Variants in WLS observed in about 807,000 individuals in gnomAD.
WLS encodes the protein protein wntless homolog.
In WLS, 23 loss-of-function variants were observed where a neutral mutation model predicts 62.8. The observed-to-expected ratio is 0.37, with a 90% CI of 0.26 to 0.52. The LOEUF (loss-of-function observed/expected upper bound fraction) is 0.52. Ranked by LOEUF, WLS falls within the 20% of genes least tolerant of loss-of-function variation. WLS has a pLI of 0.92. For missense variants in WLS, 615 were observed against 697.3 expected, an observed-to-expected ratio of 0.88 and a Z score of 1.33; for synonymous variants, 246 against 244.1, an observed-to-expected ratio of 1.01 and a Z score of -0.07.
At chr1:68,144,498 T>C (rs1340397294) in intron 10 of WLS, 71 bp downstream of exon 10, 5 of 1,450,406 alleles carry the variant, frequency 3.4e-6, no homozygotes, top group Non-Finnish European at 2.8e-6. Context: ...AGTGGCTCTA[T>C]TGAATTTCTG....
At chr1:68,207,498 T>C (rs1649328851) in intron 1 of WLS, among the ~76,000 whole-genome samples, 1 of 152,244 alleles carries the variant, frequency 6.6e-6, no homozygotes, top group Admixed American at 6.5e-5. Context: ...GCTGGGTTCC[T>C]AATATATTTC....
intron 2 of WLS, among the ~76,000 whole-genome samples, chr1:68,168,890 C>A (rs1647102978): frequency 2.0e-5 from 3 of 152,334 alleles, no homozygotes; most frequent in East Asian, 3.9e-4. Flanking sequence ...AATAACAAAA[C>A]CAACCCTGTC....
intron 10 of WLS, among the ~76,000 whole-genome samples, chr1:68,142,346 A>G (rs1310478398): frequency 6.6e-6 from 1 of 152,212 alleles, no homozygotes; most frequent in Non-Finnish European, 1.5e-5. Flanking sequence ...ATTGCCTTTT[A>G]TGCCTCAACC....
At chr1:68,125,045 C>T (rs903072878), downstream of WLS, among the ~76,000 whole-genome samples, 2 of 152,160 alleles carry the variant, frequency 1.3e-5, no homozygotes, top group Admixed American at 6.5e-5. Context: ...TTCCTTCTCT[C>T]GGCTATCTCC....
At chr1:68,136,657 T>A (rs1646615539) in intron 11 of WLS, among the ~76,000 whole-genome samples, 1 of 152,214 alleles carries the variant, frequency 6.6e-6, no homozygotes, top group South Asian at 2.1e-4. Context: ...CAACATTTCA[T>A]GGAGACAATA....
chr1:68,104,693 T>G (rs972804392), intron 11 of WLS, among the ~76,000 whole-genome samples: 1 of 152,184 alleles, frequency 6.6e-6, no homozygotes, highest in Non-Finnish European at 1.5e-5. Context: ...AAGGATCTCT[T>G]GAGCCCAGGA....
chr1:68,135,693 A>G (rs533322504), intron 11 of WLS, among the ~76,000 whole-genome samples: 1 of 152,154 alleles, frequency 6.6e-6, no homozygotes, highest in East Asian at 1.9e-4. Flanking sequence ...GAAGGTAGAA[A>G]CTCTACCTAC....
chr1:68,105,208 A>G (rs1278478344), intron 11 of WLS, among the ~76,000 whole-genome samples: 2 of 152,244 alleles, frequency 1.3e-5, no homozygotes, highest in African/African-American at 2.4e-5. Context: ...TTGAAGCAGC[A>G]TAAGTAGTTT....
chr1:68,175,647 G>A (rs893765327), intron 2 of WLS, among the ~76,000 whole-genome samples: 10 of 152,178 alleles, frequency 6.6e-5, no homozygotes, highest in African/African-American at 2.4e-4. Flanking sequence ...CCAAAACAAA[G>A]AGCTATAAAA....
intron 1 of WLS, among the ~76,000 whole-genome samples, chr1:68,225,718 A>G (rs1650114839): frequency 6.6e-6 from 1 of 152,192 alleles, no homozygotes; most frequent in South Asian, 2.1e-4. Flanking sequence ...AAGAATTTTC[A>G]GCTTTCAGTA....
At chr1:68,109,687 GAA>G (rs1234546352) in intron 11 of WLS, among the ~76,000 whole-genome samples, 2 of 151,586 alleles carry the variant, frequency 1.3e-5, no homozygotes, top group Admixed American at 6.6e-5. Context: ...TATAGCACAG[GAA>G]AAAAAGATTA....
intron 2 of WLS, chr1:68,162,806 T>C (rs961439636): frequency 2.5e-6 from 3 of 1,218,250 alleles, no homozygotes; most frequent in Non-Finnish European, 3.6e-6. Context: ...CTCGGGGCCT[T>C]AAACTTTTCT....
intron 2 of WLS, among the ~76,000 whole-genome samples, chr1:68,167,087 G>A (rs1189927799): frequency 5.3e-5 from 8 of 152,170 alleles, no homozygotes; most frequent in African/African-American, 1.9e-4. Context: ...TTACCTGTTA[G>A]GATAAGACTT....
chr1:68,172,229 A>G (rs1235068482), intron 2 of WLS, among the ~76,000 whole-genome samples: 1 of 151,988 alleles, frequency 6.6e-6, no homozygotes, highest in Admixed American at 6.6e-5. Flanking sequence ...GTTGATGGGT[A>G]CAGCAAACCA....
downstream of WLS, chr1:68,121,367 C>G (rs541102678): frequency 6.6e-6 from 1 of 152,248 alleles, no homozygotes; most frequent in Non-Finnish European, 1.5e-5. Context: ...TTCCATCAAT[C>G]CAAATAAGGA....
chr1:68,148,306 A>G (rs965007534), intron 7 of WLS, 107 bp from the exon 8 acceptor site: 3 of 1,195,974 alleles, frequency 2.5e-6, no homozygotes, highest in African/African-American at 3.0e-5. Flanking sequence ...TGAGGGCTGT[A>G]TTTAGGCTAA....
chr1:68,183,676 C>A, intron 2 of WLS: 1 of 311,986 alleles, frequency 3.2e-6, no homozygotes, highest in East Asian at 9.8e-5. Context: ...TAGATTGTTC[C>A]CTTTATTCCA....
At chr1:68,117,924 A>G (rs575787898) in intron 11 of WLS, among the ~76,000 whole-genome samples, 17 of 152,282 alleles carry the variant, frequency 1.1e-4, no homozygotes, top group South Asian at 1.0e-3. Context: ...TGGAAAAAAT[A>G]TTTAATTGGT....
chr1:68,151,332 T>G (rs1646822547), intron 5 of WLS, among the ~76,000 whole-genome samples: 1 of 152,148 alleles, frequency 6.6e-6, no homozygotes, highest in African/African-American at 2.4e-5. Flanking sequence ...AGGGCTGTGC[T>G]CATGAAGAAA....
Sources: gnomAD v4.1 joint callset for allele counts (sites outside exome capture counted in the v4.1 genomes callset) on GRCh38, gnomAD v4.1.1 for gene constraint, MANE v1.5 for transcripts, NCBI Gene and HGNC (gene_info 2026-07-23, HGNC 2026-07-21) for gene names.